SPEG: variants seen among roughly 807,000 people sequenced by gnomAD.
The protein encoded by SPEG is striated muscle preferentially expressed protein kinase.
Under a neutral mutation model 300.4 loss-of-function variants are expected in SPEG, and 114 were observed. That is an observed-to-expected ratio of 0.38 (90% CI 0.33 to 0.44). The LOEUF (loss-of-function observed/expected upper bound fraction) is 0.44. Among genes scored for constraint, SPEG ranks in the 20% least tolerant of loss-of-function variants. The pLI is 1.00. For missense variants in SPEG, 4,201 were observed against 4,586.2 expected, an observed-to-expected ratio of 0.92 and a Z score of 2.43; for synonymous variants, 1,964 against 2,018.9, an observed-to-expected ratio of 0.97 and a Z score of 0.73.
chr2:219,478,974 C>T (rs1027702477), intron 22 of SPEG, among the ~76,000 whole-genome samples, 170 bp from the exon 23 acceptor site: 4 of 152,120 alleles, frequency 2.6e-5, no homozygotes, highest in African/African-American at 9.7e-5. Flanking sequence ...CCTCAGAGGA[C>T]AGGAGGTGGG....
At position 219,491,778 on chromosome 2, in the gene SPEG, C is replaced by T; in HGVS notation, c.9386-16C>T. The T allele has an allele frequency of 1.2e-6, 2 of 1,612,036 alleles. No individual in the cohort carries two copies. Among genetic ancestry groups the T allele is most frequent in the Non-Finnish European group, 1.7e-6 (2 of 1,179,294 alleles). Reference sequence around the variant, plus strand: ...CACCAGGAAGCTGGGTCAGCTTGGCCTCTGTCTCCTGTCAGCTCCGGAGAT... The same window carrying T: ...CACCAGGAAGCTGGGTCAGCTTGGCTTCTGTCTCCTGTCAGCTCCGGAGAT... On this transcript the variant is annotated splice_polypyrimidine_tract_variant and intron_variant, in intron 38 of 40. Transcript: ENST00000312358.
At position 219,464,006 on chromosome 2, in the gene SPEG, C is replaced by T. The variant is rs1691004205; in HGVS notation, c.2706-427C>T. On this transcript the variant is annotated intron_variant, in intron 8 of 40. Coordinates refer to ENST00000312358, the MANE Select transcript of SPEG (RefSeq NM_005876.5). The surrounding 1 kb of genome is among the most constrained non-coding windows in gnomAD (Gnocchi z 4.5). Reference sequence around the variant, plus strand: ...GCATGGTGGCGTGTGCCTGTAGTCCCAGCTACTCAGGAGGCTGAGATGGGG... The same window carrying T: ...GCATGGTGGCGTGTGCCTGTAGTCCTAGCTACTCAGGAGGCTGAGATGGGG... Among the ~76,000 whole-genome samples the T allele has an allele frequency of 6.6e-6, 1 of 151,814 alleles. No individual in the cohort carries two copies. The highest frequency in any genetic ancestry group is 2.1e-4 in the South Asian group (1 of 4,822).
Position 219,481,940 on chromosome 2 carries a change from C to T in SPEG, c.5565+260C>T, listed in dbSNP as rs1056849878. On this transcript the variant is annotated intron_variant, in intron 28 of 40. Transcript: ENST00000312358. This position sits in a 1 kb window ranked among gnomAD's most constrained non-coding sequence, Gnocchi z 5.4. ...GGGCATACGTCTGGACCTCTCCATC[C>T]TGGGCGTCCTCAGTGGAGTTCTCCC... The T allele has an allele frequency of 1.7e-6, 1 of 581,642 alleles. No homozygotes were observed. The highest frequency in any genetic ancestry group is 1.9e-5 in the African/African-American group (1 of 53,556). 36.0% of individuals were successfully genotyped at this position (581,642 alleles called of 1,614,324 possible).
intron 9 of SPEG, chr2:219,466,891 G>A (rs1691415062): frequency 1.1e-5 from 13 of 1,169,854 alleles, no homozygotes; most frequent in East Asian, 7.3e-5. Flanking sequence ...TTTTTCCCCC[G>A]CCGATGTCTC....
Position 219,448,699 on chromosome 2 carries a change from A to C in SPEG, c.1541A>C (p.His514Pro). The change falls in exon 4 of 41, where the codon CAC becomes CCC. Residue 514 changes from histidine to proline, a missense_variant. Physicochemically the swap from His to Pro is moderately conservative, Grantham distance 77. Around this residue, in one of 4 missense-constraint regions of SPEG, gnomAD observed 1,258 missense variants for 1,293.9 expected, o/e 0.97. Coordinates refer to ENST00000312358, the MANE Select transcript of SPEG (RefSeq NM_005876.5). ...TCGCGGGAGGAGCTGGTGCGCTCGC[A>C]CGAGTCCCTGCGCGCCACGCTGCAG... ...STSREELVRS[H>P]ESLRATLQRA... 4.0e-6 allele frequency: 6 copies of C among 1,493,794 alleles called. No homozygotes were observed. Among genetic ancestry groups the C allele is most frequent in the Non-Finnish European group, 5.3e-6 (6 of 1,129,784 alleles). 92.5% of individuals were successfully genotyped at this position (1,493,794 alleles called of 1,614,324 possible).
Position 219,475,859 on chromosome 2 carries a change from C to G in SPEG, c.4448-1011C>G, listed in dbSNP as rs569316844. ...GACAGGGCAAGTGGAGTGGTGGCCC[C>G]CCTTCCTCCACGTCAACCTCACTGC... On this transcript the variant is annotated intron_variant, in intron 18 of 40. Transcript: ENST00000312358. 2.6e-5 allele frequency among the ~76,000 whole-genome samples: 4 copies of G among 152,280 alleles called. No homozygotes were observed. In the South Asian group the frequency reaches 8.3e-4, roughly 32 times the overall value.
In SPEG at chr2:219,471,883, G is replaced by T. The variant is rs1227009309; in HGVS notation, c.3731G>T (p.Arg1244Leu). 1 of 1,614,012 alleles carries T rather than the reference G, an allele frequency of 6.2e-7. No individual in the cohort carries two copies. The highest frequency in any genetic ancestry group is 8.5e-7 in the Non-Finnish European group (1 of 1,179,990). ...CCCCTCCCAGACAGGGATGTCCATC[G>T]CTTGGTGTTCCCTGCCGTGGGGCCT... Reference protein sequence around the residue: ...RRMTQYRDVHRLVFPAVGPQH... With the variant: ...RRMTQYRDVHLLVFPAVGPQH... Residue 1244 changes from arginine (R) to leucine (L), a missense_variant, in exon 14 of 41, where the codon CGC becomes CTC. Physicochemically the swap from Arg to Leu is moderately radical, Grantham distance 102. Around this residue, in one of 4 missense-constraint regions of SPEG, gnomAD observed 1,047 missense variants for 1,356.8 expected, o/e 0.77. Coordinates refer to ENST00000312358, the MANE Select transcript of SPEG (RefSeq NM_005876.5).
rs1374945470 is a variant in SPEG at position 219,493,044 on chromosome 2, G to C, written c.*258G>C. On this transcript the variant is annotated 3_prime_UTR_variant, in exon 41 of 41. Coordinates refer to ENST00000312358, the MANE Select transcript of SPEG (RefSeq NM_005876.5). ...GGTGGGAACAGGCAGAGGGACAAGA[G>C]GGGAATGGAGAAGTGGAGAGGAAAA... 1.4e-6 allele frequency: 1 copy of C among 691,472 alleles called. No individual in the cohort carries two copies. Among genetic ancestry groups the C allele is most frequent in the East Asian group, 2.7e-5 (1 of 36,396 alleles). 42.8% of individuals were successfully genotyped at this position (691,472 alleles called of 1,614,324 possible). A position where few individuals can be genotyped will look rare whatever the true frequency, so the allele number is the denominator to read the frequency against.
chr2:219,477,171 T>C lies in SPEG; in HGVS notation c.4561-106T>C. The C allele has an allele frequency of 1.1e-6, 1 of 920,838 alleles. No individual in the cohort carries two copies. Among genetic ancestry groups the C allele is most frequent in the Non-Finnish European group, 1.6e-6 (1 of 622,374 alleles). 57.0% of individuals were successfully genotyped at this position (920,838 alleles called of 1,614,324 possible). On this transcript the variant is annotated intron_variant, in intron 19 of 40. Transcript: ENST00000312358. This position sits in a 1 kb window ranked among gnomAD's most constrained non-coding sequence, Gnocchi z 6.4. ...TGTGGGAGATAAGGGAGGAGCTGAC[T>C]CTGGGTCCTGGTGAGAGATGCGCTG...
chr2:219,490,262 T>C, intron 36 of SPEG, 147 bp from the exon 37 acceptor site: 1 of 1,200,578 alleles, frequency 8.3e-7, no homozygotes. Context: ...ACTCGAACCC[T>C]GGTTTCTAGG....
Position 219,488,513 on chromosome 2 carries a change from G to T in SPEG, c.7874G>T (p.Arg2625Met). ...ISWMKDKKSLRSEPSVIIVSC... is the reference protein window; with the variant it reads ...ISWMKDKKSLMSEPSVIIVSC... ...CTGTCCCCAGACAAGAAGTCCTTGA[G>T]GTCAGAGCCCTCAGTGATCATCGTG... is the stretch of plus-strand genomic sequence containing the variant. The change falls in exon 33 of 41, where the codon AGG becomes ATG. Residue 2625 changes from arginine to methionine, a missense_variant. By Grantham distance (91) the Arg-to-Met change is moderately conservative. Transcript: ENST00000312358. The T allele has an allele frequency of 6.3e-7, 1 of 1,583,470 alleles. No individual in the cohort carries two copies. Among genetic ancestry groups the T allele is most frequent in the Non-Finnish European group, 8.6e-7 (1 of 1,163,690 alleles).
At position 219,467,453 on chromosome 2, in the gene SPEG, A is replaced by T. The variant is rs1262078346; in HGVS notation, c.3142+19A>T. The T allele has an allele frequency of 1.3e-6, 2 of 1,586,174 alleles. No homozygotes were observed. The highest frequency in any genetic ancestry group is 4.5e-5 in the East Asian group (2 of 44,386). ...GCCAAAGGTAACTCCCCACTCAGGC[A>T]TTGGGCTGCCGTGGGTGCCCAAGAG... On this transcript the variant is annotated intron_variant, in intron 10 of 40. Coordinates refer to ENST00000312358, the MANE Select transcript of SPEG (RefSeq NM_005876.5).
At chr2:219,435,702 C>A (rs1189797255) in intron 1 of SPEG, among the ~76,000 whole-genome samples, 1 of 152,132 alleles carries the variant, frequency 6.6e-6, no homozygotes, top group Non-Finnish European at 1.5e-5. Context: ...GAAAGGGTGT[C>A]CTTCAGTTCC....
rs764321264 is a variant in SPEG, at chr2:219,484,199, G to C, written c.6736G>C (p.Ala2246Pro). ...QTLALPLTPY[A>P]QIIQSLQLSG... ...CCTAGCGCTGCCCCTCACACCCTAT[G>C]CTCAGATCATTCAGTCCCTCCAGCT... Residue 2246 changes from alanine to proline, a missense_variant, in exon 30 of 41, where the codon GCT (alanine) becomes CCT (proline). Physicochemically the swap from Ala to Pro is conservative, Grantham distance 27. Transcript: ENST00000312358. The C allele has an allele frequency of 4.3e-6, 7 of 1,612,832 alleles. No homozygotes were observed. In the East Asian group the frequency reaches 1.1e-4, roughly 26 times the overall value.
At chr2:219,486,800 G>A (rs1445258235) in intron 31 of SPEG, among the ~76,000 whole-genome samples, 1 of 151,836 alleles carries the variant, frequency 6.6e-6, no homozygotes, top group Non-Finnish European at 1.5e-5. Context: ...TGAGAGAGGT[G>A]GCCTCTCTCT....
chr2:219,489,917 A>G lies in SPEG; in HGVS notation c.8899A>G (p.Thr2967Ala). The stretch of plus-strand genomic sequence containing the variant: ...ACAGGGTCCCCCTCAGAAACCCTAC[A>G]CCTTCCTGGAGGAGAAAGCCAGGCA... ...LRQGPPQKPY[T>A]FLEEKARGRF... Residue 2967 changes from threonine (T) to alanine (A), a missense_variant, in exon 36 of 41, where the codon ACC becomes GCC. This residue lies in a region of SPEG where 318 missense variants were observed against 429.5 expected (regional missense o/e 0.74). Coordinates refer to ENST00000312358, the MANE Select transcript of SPEG (RefSeq NM_005876.5). 6.3e-7 allele frequency: 1 copy of G among 1,575,724 alleles called. No individual in the cohort carries two copies. Among genetic ancestry groups the G allele is most frequent in the South Asian group, 1.1e-5 (1 of 87,222 alleles).
chr2:219,479,196 T>G lies in SPEG; in HGVS notation c.5080T>G (p.Ser1694Ala). ...CGCCAGGAAACCCACCGTGTGTGAGTCTGAGGTGAGGGCAGTGGGTGGCAG... is the reference window on the plus strand; with the variant it reads ...CGCCAGGAAACCCACCGTGTGTGAGGCTGAGGTGAGGGCAGTGGGTGGCAG... ...RIARKPTVCESEIRAYMRQVL... is the reference protein window; with the variant it reads ...RIARKPTVCEAEIRAYMRQVL... The change falls in exon 23 of 41, where the codon TCT becomes GCT. Residue 1694 changes from serine (S) to alanine (A), a missense_variant. Transcript: ENST00000312358. This position sits in a 1 kb window ranked among gnomAD's most constrained non-coding sequence, Gnocchi z 5.5. The G allele has an allele frequency of 1.9e-6, 3 of 1,613,318 alleles. No individual in the cohort carries two copies. Among genetic ancestry groups the G allele is most frequent in the Non-Finnish European group, 2.5e-6 (3 of 1,179,806 alleles).
At chr2:219,468,306 G>T (rs1392732405) in intron 10 of SPEG, among the ~76,000 whole-genome samples, 1 of 152,068 alleles carries the variant, frequency 6.6e-6, no homozygotes, top group South Asian at 2.1e-4. Context: ...GAGGGGAGGA[G>T]GGGGGAGCTG....
chr2:219,466,108 C>A (rs1364087437), intron 9 of SPEG: 1 of 1,591,188 alleles, frequency 6.3e-7, no homozygotes, highest in Admixed American at 1.7e-5. Flanking sequence ...CTCCGAGCCG[C>A]GCCCCTGTCT....
Sources: gnomAD v4.1 joint callset for allele counts (sites outside exome capture counted in the v4.1 genomes callset) on GRCh38, gnomAD v4.1.1 for gene constraint, gnomAD v4.1.1 regional missense constraint, Gnocchi (gnomAD v3.1) non-coding constraint, MANE v1.5 for transcripts, NCBI Gene and HGNC (gene_info 2026-07-23, HGNC 2026-07-21) for gene names.